The following PCGF1 variants were observed in gnomAD, a reference collection of about 807,000 sequenced individuals.
The protein encoded by PCGF1 is polycomb group RING finger protein 1.
In PCGF1, 10 loss-of-function variants were observed where a neutral mutation model predicts 38.8. The ratio of observed to expected loss-of-function variants is 0.26; its 90% CI spans 0.16 to 0.44. The LOEUF is 0.44. Among genes scored for constraint, PCGF1 ranks in the 20% least tolerant of loss-of-function variants. The pLI is 1.00. For synonymous variants in PCGF1, 119 were observed against 121.3 expected, an observed-to-expected ratio of 0.98 and a Z score of 0.12; for missense variants, 230 against 331.5, an observed-to-expected ratio of 0.69 and a Z score of 2.38.
intron 8 of PCGF1, 33 bp downstream of exon 8, chr2:74,505,306 G>C (rs747261980): frequency 2.5e-6 from 4 of 1,592,508 alleles, no homozygotes; most frequent in Non-Finnish European, 2.6e-6. Flanking sequence ...AGTCTGAAGG[G>C]GGTGTGATCC....
chr2:74,505,840 ACT>A, intron 5 of PCGF1, 70 bp from the exon 6 acceptor site: 6 of 1,607,228 alleles, frequency 3.7e-6, no homozygotes, highest in South Asian at 1.1e-5. Flanking sequence ...GCCATGATAT[ACT>A]CTCTTCAAGG....
In PCGF1 at chr2:74,507,130, C is replaced by A. The variant is rs1674656603; in HGVS notation, c.111G>T (p.Lys37Asn). The stretch of plus-strand genomic sequence containing the variant: ...CAATGTGTTCATTCAAGTCTTTGAT[C>A]TTCACTCGAACCTCCTCCTGAAGAT... ...PLRNEEEVRV[K>N]IKDLNEHIVC... Residue 37 changes from lysine (K) to asparagine (N), a missense_variant, in exon 2 of 9, where the codon AAG (lysine) becomes AAT (asparagine). Transcript: ENST00000233630. 6.2e-7 allele frequency: 1 copy of A among 1,614,112 alleles called. No individual in the cohort carries two copies. Among genetic ancestry groups the A allele is most frequent in the African/African-American group, 1.3e-5 (1 of 74,946 alleles).
Position 74,506,562 on chromosome 2 carries a change from T to G in PCGF1, c.352+170A>C, listed in dbSNP as rs535342947. On this transcript the variant is annotated intron_variant, in intron 3 of 8. Transcript: ENST00000233630. ...CACTGCACTCCAGCCTGGGCAAGAC[T>G]CCGTCTCAAAAAAAGAAAAAAAAGA... is the stretch of plus-strand genomic sequence containing the variant. 18 of 749,664 alleles carry G rather than the reference T, an allele frequency of 2.4e-5. No homozygotes were observed. The South Asian group carries it at 3.3e-4, about 14-fold the overall frequency. 46.4% of individuals were successfully genotyped at this position (749,664 alleles called of 1,614,324 possible). A position where few individuals can be genotyped will look rare whatever the true frequency, so the allele number is the denominator to read the frequency against.
In PCGF1 at chr2:74,506,776, A is replaced by C. The variant is rs974388878; in HGVS notation, c.308T>G (p.Val103Gly). ...CAGCTTATACACGATGTCCTGCATG[A>C]CCCGGTCCAGTTTGAGGTTGAGCAG... ...QPLLNLKLDR[V>G]MQDIVYKLVP... The change falls in exon 3 of 9, where the codon GTC (valine) becomes GGC (glycine). Residue 103 changes from valine to glycine, a missense_variant. Coordinates refer to ENST00000233630, the MANE Select transcript of PCGF1 (RefSeq NM_032673.3). The C allele has an allele frequency of 1.9e-6, 3 of 1,614,034 alleles. No individual in the cohort carries two copies. The highest frequency in any genetic ancestry group is 2.5e-6 in the Non-Finnish European group (3 of 1,180,004).
chr2:74,507,160 C>T lies in PCGF1; in HGVS notation c.94-13G>A. On this transcript the variant is annotated splice_polypyrimidine_tract_variant and intron_variant, in intron 1 of 8. Transcript: ENST00000233630. ...CTCGAACCTCCTCCTGAAGATACACCCTCCGTCACCAATCATCCACCCTCA... is the reference window on the plus strand; with the variant it reads ...CTCGAACCTCCTCCTGAAGATACACTCTCCGTCACCAATCATCCACCCTCA... 6.2e-7 allele frequency: 1 copy of T among 1,611,102 alleles called. No individual in the cohort carries two copies. Among genetic ancestry groups the T allele is most frequent in the Middle Eastern group, 1.7e-4 (1 of 6,040 alleles).
At chr2:74,505,802 C>T (rs953602133) in intron 5 of PCGF1, 32 bp from the exon 6 acceptor site, 2 of 1,613,392 alleles carry the variant, frequency 1.2e-6, no homozygotes, top group African/African-American at 2.7e-5. Flanking sequence ...TTAGGGAATC[C>T]TATCTTTCCT....
chr2:74,507,435 C>G (rs971048921), intron 1 of PCGF1, 141 bp downstream of exon 1: 2 of 1,464,902 alleles, frequency 1.4e-6, no homozygotes, highest in Non-Finnish European at 1.8e-6. Flanking sequence ...GTTTGGCAAC[C>G]CGATCGCAAC....
chr2:74,505,734 C>T lies in PCGF1; in HGVS notation c.564+3G>A, dbSNP rs1674615121. Reference sequence around the variant, plus strand: ...GAGAGGCCCTCCCCTCAGCCCTTCTCACCTGCAGGACGCTTTTATTCTTGT... The same window carrying T: ...GAGAGGCCCTCCCCTCAGCCCTTCTTACCTGCAGGACGCTTTTATTCTTGT... On this transcript the variant is annotated splice_donor_region_variant and intron_variant, in intron 6 of 8. Coordinates refer to ENST00000233630, the MANE Select transcript of PCGF1 (RefSeq NM_032673.3). 1.9e-6 allele frequency: 3 copies of T among 1,614,202 alleles called. No homozygotes were observed. The highest frequency in any genetic ancestry group is 2.5e-6 in the Non-Finnish European group (3 of 1,180,030).
rs754369775 is a variant in PCGF1 at position 74,507,654 on chromosome 2, C to G, written c.15G>C (p.Gln5His). Residue 5 changes from glutamine to histidine, a missense_variant, in exon 1 of 9, where the codon CAG becomes CAC. By Grantham distance (24) the Gln-to-His change is conservative. Around this residue, in one of 3 missense-constraint regions of PCGF1, gnomAD observed 46 missense variants for 35.9 expected, o/e 1.28. Coordinates refer to ENST00000233630, the MANE Select transcript of PCGF1 (RefSeq NM_032673.3). MASP[Q>H]GGQIAIAMRL... ...TCATCGCGATCGCAATCTGGCCCCCCTGAGGAGACGCCATCTTAAAGGCTG... is the reference window on the plus strand; with the variant it reads ...TCATCGCGATCGCAATCTGGCCCCCGTGAGGAGACGCCATCTTAAAGGCTG... The G allele has an allele frequency of 1.3e-6, 2 of 1,564,034 alleles. No homozygotes were observed. The highest frequency in any genetic ancestry group is 1.7e-6 in the Non-Finnish European group (2 of 1,154,860).
Position 74,505,363 on chromosome 2 carries a change from T to A in PCGF1, c.708A>T (p.Ile236=), listed in dbSNP as rs1674603684. 1 of 1,610,180 alleles carries A rather than the reference T, an allele frequency of 6.2e-7. No homozygotes were observed. Among genetic ancestry groups the A allele is most frequent in the East Asian group, 2.2e-5 (1 of 44,808 alleles). The part of the protein sequence containing the change: ...VLPDHMTMKQ[I]WLSRWFGKPS... ...CCTTGCCGAACCAGCGGGAGAGCCA[T>A]ATCTGCTTCATTGTCATGTGATCAG... Residue 236 remains isoleucine (I), a synonymous_variant, in exon 8 of 9, where the codon ATA becomes ATT. Coordinates refer to ENST00000233630, the MANE Select transcript of PCGF1 (RefSeq NM_032673.3).
chr2:74,506,599 G>T (rs535182655), intron 3 of PCGF1, 133 bp downstream of exon 3: 8 of 994,506 alleles, frequency 8.0e-6, no homozygotes, highest in Non-Finnish European at 1.2e-5. Context: ...TAAAGTATTA[G>T]CCCTTCCTCA....
Position 74,507,617 on chromosome 2 carries a change from G to A in PCGF1, c.52C>T (p.Gln18Ter). 1 of 1,586,918 alleles carries A rather than the reference G, an allele frequency of 6.3e-7. No homozygotes were observed. The highest frequency in any genetic ancestry group is 1.2e-5 in the South Asian group (1 of 86,906). ...TCCATCTTGTACACTGACTGGAGCT[G>A]GTTCCGAAGCCTCATCGCGATCGCA... ...QIAIAMRLRN[Q>*]LQSVYKMDPL... is the part of the protein sequence containing the mutation. The change falls in exon 1 of 9, where the codon CAG becomes TAG. Residue 18 changes from glutamine to a stop codon, truncating the protein, a stop_gained. Transcript: ENST00000233630. LOFTEE classifies it high-confidence loss of function.
Position 74,507,156 on chromosome 2 carries a change from A to T in PCGF1, c.94-9T>A. On this transcript the variant is annotated splice_polypyrimidine_tract_variant and intron_variant, in intron 1 of 8. Coordinates refer to ENST00000233630, the MANE Select transcript of PCGF1 (RefSeq NM_032673.3). The stretch of plus-strand genomic sequence containing the variant: ...TTCACTCGAACCTCCTCCTGAAGAT[A>T]CACCCTCCGTCACCAATCATCCACC... The T allele has an allele frequency of 6.2e-7, 1 of 1,611,936 alleles. No homozygotes were observed. The highest frequency in any genetic ancestry group is 8.5e-7 in the Non-Finnish European group (1 of 1,178,136).
Position 74,505,771 on chromosome 2 carries a change from C to G in PCGF1, c.531-1G>C. 6.2e-7 allele frequency: 1 copy of G among 1,614,170 alleles called. No individual in the cohort carries two copies. Among genetic ancestry groups the G allele is most frequent in the Non-Finnish European group, 8.5e-7 (1 of 1,180,018 alleles). ...GCTTTTATTCTTGTCTTTGCCAGAA[C>G]TGGGGGGAAATAGACACAGGTTAGG... On this transcript the variant is annotated splice_acceptor_variant, in intron 5 of 8. Coordinates refer to ENST00000233630, the MANE Select transcript of PCGF1 (RefSeq NM_032673.3). LOFTEE classifies it high-confidence loss of function.
In PCGF1 at chr2:74,507,057, C is replaced by A; in HGVS notation, c.184G>T (p.Glu62Ter). The A allele has an allele frequency of 6.2e-7, 1 of 1,613,986 alleles. No homozygotes were observed. The part of the protein sequence containing the change: ...GYFVDATTIT[E>*]CLHTFCKSCI... ...AGGCACTCACAAGTATGAAGACACT[C>A]TGTGATGGTGGTGGCATCCACGAAG... Residue 62 changes from glutamate (E) to a stop codon, truncating the protein, a stop_gained, in exon 2 of 9, where the codon GAG (glutamate) becomes TAG (stop). Coordinates refer to ENST00000233630, the MANE Select transcript of PCGF1 (RefSeq NM_032673.3). LOFTEE classifies it high-confidence loss of function.
At position 74,505,436 on chromosome 2, in the gene PCGF1, G is replaced by A. The variant is rs1269826774; in HGVS notation, c.652-17C>T. 2 of 1,606,582 alleles carry A rather than the reference G, an allele frequency of 1.2e-6. No homozygotes were observed. Among genetic ancestry groups the A allele is most frequent in the Admixed American group, 1.7e-5 (1 of 58,946 alleles). ...GAGCTGCACCTAGGAGGGAGATGGG[G>A]GCATAATTTTAGGAACTTTCTGGCA... On this transcript the variant is annotated splice_polypyrimidine_tract_variant and intron_variant, in intron 7 of 8. Coordinates refer to ENST00000233630, the MANE Select transcript of PCGF1 (RefSeq NM_032673.3).
chr2:74,505,915 C>A (rs1218423585), intron 5 of PCGF1, 37 bp downstream of exon 5: 1 of 1,609,984 alleles, frequency 6.2e-7, no homozygotes, highest in South Asian at 1.1e-5. Context: ...GGGTCATTGG[C>A]ACTGTCACCT....
chr2:74,506,564 C>T (rs553003515), intron 3 of PCGF1, 168 bp downstream of exon 3: 6 of 757,582 alleles, frequency 7.9e-6, no homozygotes, highest in Admixed American at 5.4e-5. Flanking sequence ...GGCAAGACTC[C>T]GTCTCAAAAA....
chr2:74,506,574 A>G, intron 3 of PCGF1, 158 bp downstream of exon 3: 1 of 836,990 alleles, frequency 1.2e-6, no homozygotes, highest in South Asian at 1.7e-5. Flanking sequence ...CGTCTCAAAA[A>G]AAGAAAAAAA....
Sources: gnomAD v4.1 joint callset for allele counts on GRCh38, gnomAD v4.1.1 for gene constraint, gnomAD v4.1.1 regional missense constraint, MANE v1.5 for transcripts, NCBI Gene and HGNC (gene_info 2026-07-23, HGNC 2026-07-21) for gene names.